OTOGL: variants seen among roughly 807,000 people sequenced by gnomAD.
OTOGL encodes otogelin like.
OTOGL carries 285 observed loss-of-function variants against 318.5 expected under a neutral mutation model. That is an observed-to-expected ratio of 0.89 (90% CI 0.81 to 0.99). The LOEUF is 0.99. Ranked by LOEUF, OTOGL falls within the 50% of genes least tolerant of loss-of-function variation. OTOGL has a pLI of 0.00. For synonymous variants in OTOGL, 987 were observed against 936.5 expected, an observed-to-expected ratio of 1.05 and a Z score of -0.99; for missense variants, 2,899 against 2,845.6, an observed-to-expected ratio of 1.02 and a Z score of -0.43.
chr12:80,377,850 A>G lies in OTOGL; in HGVS notation c.6864A>G (p.Ile2288Met), dbSNP rs145876584. The change falls in exon 59 of 59, where the codon ATA becomes ATG. Residue 2288 changes from isoleucine to methionine, a missense_variant and splice_region_variant. This residue lies in a region of OTOGL where 289 missense variants were observed against 304.6 expected (regional missense o/e 0.95). Coordinates refer to ENST00000547103, the MANE Select transcript of OTOGL (RefSeq NM_001378609.3). ...TTTCTCATTGTCACTTCTTACAGAT[A>G]AATGTTGCATCTTGTGACGGCAAAT... Reference protein sequence around the residue: ...RKQDCMSQSPINVASCDGKCP... With the variant: ...RKQDCMSQSPMNVASCDGKCP... 4.6e-5 allele frequency: 74 copies of G among 1,603,656 alleles called. No individual in the cohort carries two copies. The African/African-American group carries it at 9.6e-4, about 21-fold the overall frequency.
intron 2 of OTOGL, 125 bp downstream of exon 2, chr12:80,209,635 T>C (rs1448231997): frequency 2.0e-6 from 1 of 497,876 alleles, no homozygotes; most frequent in East Asian, 3.2e-5. Flanking sequence ...TAAATGATAC[T>C]CAGATCACCT....
intron 1 of OTOGL, among the ~76,000 whole-genome samples, chr12:80,151,987 A>G (rs1872812630): frequency 6.6e-6 from 1 of 152,194 alleles, no homozygotes; most frequent in South Asian, 2.1e-4. Flanking sequence ...CAAGGAAATT[A>G]AGGTCAGAGA....
At chr12:80,271,607 A>G (rs752472748) in intron 23 of OTOGL, 41 bp from the exon 24 acceptor site, 4 of 1,583,354 alleles carry the variant, frequency 2.5e-6, no homozygotes, top group East Asian at 2.3e-5. Flanking sequence ...CCATGCCATG[A>G]CAAAAAGTTA....
At chr12:80,343,526 T>TC (rs1555301043) in intron 44 of OTOGL, 3 of 118,176 alleles carry the variant, frequency 2.5e-5, no homozygotes, top group African/African-American at 9.1e-5. Flanking sequence ...TTTTTTTTTT[T>TC]TTTTTTTTTT....
At chr12:80,321,248 AG>A (rs1376761851) in intron 34 of OTOGL, among the ~76,000 whole-genome samples, 2 of 152,184 alleles carry the variant, frequency 1.3e-5, no homozygotes, top group Non-Finnish European at 2.9e-5. Context: ...TTCTGCAGCA[AG>A]CTTCACTCCT....
intron 1 of OTOGL, among the ~76,000 whole-genome samples, chr12:80,120,081 G>A (rs1870398603): frequency 6.6e-6 from 1 of 151,362 alleles, no homozygotes; most frequent in Non-Finnish European, 1.5e-5. Flanking sequence ...TTTTTCTGGA[G>A]TAGCAGAGTT....
rs72466250 is a variant in OTOGL at position 80,108,771 on chromosome 12, G to GTA, written c.-20+9180_-20+9181dup. ...TTTAAAAAAATATATATATATACACGTATATATATATATATGTATATATAT... is the reference window on the plus strand; with the variant it reads ...TTTAAAAAAATATATATATATACACGTATATATATATATATATGTATATATAT... On this transcript the variant is annotated intron_variant, in intron 1 of 58. Transcript: ENST00000547103. Among the ~76,000 whole-genome samples, 1,007 of 129,428 alleles carry GTA rather than the reference G, an allele frequency of 7.8e-3. 14 individuals are homozygous for GTA. The highest frequency in any genetic ancestry group is 0.021 in the African/African-American group (713 of 34,336). 84.9% of individuals were successfully genotyped at this position (129,428 alleles called of 152,430 possible).
At chr12:80,285,118 C>A (rs1884514028) in intron 26 of OTOGL, among the ~76,000 whole-genome samples, 1 of 151,948 alleles carries the variant, frequency 6.6e-6, no homozygotes, top group African/African-American at 2.4e-5. Context: ...TTCCCAATAC[C>A]ATTTATTTAA....
intron 24 of OTOGL, among the ~76,000 whole-genome samples, chr12:80,277,602 A>G (rs1171102164): frequency 1.3e-5 from 2 of 151,410 alleles, no homozygotes; most frequent in African/African-American, 4.8e-5. Flanking sequence ...GAAAACCAAC[A>G]TTCAAAAGTT....
intron 56 of OTOGL, 57 bp downstream of exon 56, chr12:80,370,746 A>G (rs1374727054): frequency 7.7e-7 from 1 of 1,301,270 alleles, no homozygotes; most frequent in South Asian, 1.6e-5. Context: ...GAAAATACAC[A>G]TTGATATTTT....
At chr12:80,328,777 A>T (rs1366929959) in intron 36 of OTOGL, 33 bp downstream of exon 36, 1 of 1,531,200 alleles carries the variant, frequency 6.5e-7, no homozygotes, top group South Asian at 1.2e-5. Context: ...TTACTCTGAA[A>T]AATTATACGC....
At chr12:80,292,873 G>C (rs1885138137) in intron 26 of OTOGL, among the ~76,000 whole-genome samples, 1 of 152,008 alleles carries the variant, frequency 6.6e-6, no homozygotes, top group African/African-American at 2.4e-5. Context: ...CAATGATTCT[G>C]GTGTAATTTT....
chr12:80,348,114 T>A (rs1730392788), intron 44 of OTOGL, among the ~76,000 whole-genome samples: 1 of 152,226 alleles, frequency 6.6e-6, no homozygotes, highest in African/African-American at 2.4e-5. Flanking sequence ...GTGCAGAAGC[T>A]GTTTAGTTTA....
chr12:80,266,980 A>G (rs1482788022), intron 21 of OTOGL, among the ~76,000 whole-genome samples: 2 of 152,176 alleles, frequency 1.3e-5, no homozygotes, highest in Admixed American at 1.3e-4. Context: ...TATATCAGTT[A>G]TGTTTCTCTG....
At chr12:80,194,603 C>A (rs929787831) in intron 1 of OTOGL, among the ~76,000 whole-genome samples, 15 of 152,124 alleles carry the variant, frequency 9.9e-5, no homozygotes, top group Non-Finnish European at 2.1e-4. Flanking sequence ...AAGAATCTGA[C>A]AATACTGCTG....
At chr12:80,104,315 A>G (rs1002637554) in intron 1 of OTOGL, among the ~76,000 whole-genome samples, 1 of 152,246 alleles carries the variant, frequency 6.6e-6, no homozygotes, top group African/African-American at 2.4e-5. Flanking sequence ...TTGAATGCTT[A>G]GAAAAGCCAC....
chr12:80,181,964 G>C (rs919992647), intron 1 of OTOGL, among the ~76,000 whole-genome samples: 20 of 152,044 alleles, frequency 1.3e-4, no homozygotes, highest in African/African-American at 4.8e-4. Flanking sequence ...GGGAGGTAAA[G>C]ACCAGTCTAG....
chr12:80,181,029 T>A (rs1295578694), intron 1 of OTOGL, among the ~76,000 whole-genome samples: 1 of 152,118 alleles, frequency 6.6e-6, no homozygotes, highest in African/African-American at 2.4e-5. Context: ...TTCAATAGCT[T>A]CCCTTAGGGC....
chr12:80,340,443 A>G (rs936078300), intron 43 of OTOGL, among the ~76,000 whole-genome samples: 1 of 152,148 alleles, frequency 6.6e-6, no homozygotes, highest in African/African-American at 2.4e-5. Context: ...AATAACTGAG[A>G]CTGGAAATGC....
Sources: gnomAD v4.1 joint callset for allele counts (sites outside exome capture counted in the v4.1 genomes callset) on GRCh38, gnomAD v4.1.1 for gene constraint, gnomAD v4.1.1 regional missense constraint, MANE v1.5 for transcripts, NCBI Gene and HGNC (gene_info 2026-07-23, HGNC 2026-07-21) for gene names.